CHST9: variants seen among roughly 807,000 people sequenced by gnomAD.
The protein encoded by CHST9 is GalNAc-4-sulfotransferase 2.
A neutral mutation model predicts 44.4 loss-of-function variants in CHST9; 41 were observed. The observed-to-expected ratio is 0.92, with a 90% CI of 0.72 to 1.20. The LOEUF (loss-of-function observed/expected upper bound fraction) is 1.20. Among genes scored for constraint, CHST9 ranks in the 50% most tolerant of loss-of-function variants. CHST9 has a pLI of 0.00. For missense variants in CHST9, 504 were observed against 516.5 expected (o/e 0.98, Z 0.23); for synonymous variants, 171 against 178.4 (o/e 0.96, Z 0.33).
At position 27,050,734 on chromosome 18, in the gene CHST9, A is replaced by G. The variant is rs554014576; in HGVS notation, c.122-2231T>C. ...AAGGCCTCATTCATTATGAAGTGTG[A>G]CAGGGTACCTTCTCATTTAAGTTTT... On this transcript the variant is annotated intron_variant, in intron 2 of 5. Coordinates refer to ENST00000618847, the MANE Select transcript of CHST9 (RefSeq NM_031422.6). Among the ~76,000 whole-genome samples, 6 of 152,300 alleles carry G rather than the reference A, an allele frequency of 3.9e-5. No individual in the cohort carries two copies. The East Asian group carries it at 1.2e-3, about 29-fold the overall frequency.
intron 4 of CHST9, among the ~76,000 whole-genome samples, chr18:27,000,650 A>ATCTATCTATCTT: frequency 6.6e-6 from 1 of 150,900 alleles, no homozygotes; most frequent in African/African-American, 2.4e-5. Context: ...CTATCTATCT[A>ATCTATCTATCTT]TCTATCTCTC....
chr18:26,918,425 G>T (rs1395274899), intron 5 of CHST9, among the ~76,000 whole-genome samples: 1 of 152,074 alleles, frequency 6.6e-6, no homozygotes, highest in African/African-American at 2.4e-5. Flanking sequence ...CAGCCTAGAG[G>T]TGGAGGGAGT....
intron 2 of CHST9, among the ~76,000 whole-genome samples, chr18:27,064,376 G>A (rs1025068453): frequency 4.6e-5 from 7 of 152,084 alleles, no homozygotes; most frequent in East Asian, 1.9e-4. Context: ...CCATGCAGAC[G>A]GCACCATGAT....
intron 4 of CHST9, among the ~76,000 whole-genome samples, chr18:27,015,109 A>AAT (rs2057135906): frequency 6.6e-6 from 1 of 152,232 alleles, no homozygotes; most frequent in East Asian, 1.9e-4. Context: ...GCAGATATCT[A>AAT]ATGTGATCCC....
chr18:27,108,074 C>A (rs1431424495), intron 2 of CHST9, among the ~76,000 whole-genome samples: 2 of 152,130 alleles, frequency 1.3e-5, no homozygotes, highest in East Asian at 1.9e-4. Flanking sequence ...AATCTACCCA[C>A]CTAGACACCT....
intron 2 of CHST9, among the ~76,000 whole-genome samples, chr18:27,134,553 A>G (rs916426017): frequency 6.6e-6 from 1 of 152,252 alleles, no homozygotes. Flanking sequence ...GGATTTGAAT[A>G]GAACCTCGAC....
chr18:27,127,032 T>G (rs887440791), intron 2 of CHST9, among the ~76,000 whole-genome samples: 1 of 152,168 alleles, frequency 6.6e-6, no homozygotes, highest in Non-Finnish European at 1.5e-5. Context: ...GCACCACTAC[T>G]GAATCGGAGT....
intron 1 of CHST9, among the ~76,000 whole-genome samples, chr18:27,176,459 T>C (rs935582832): frequency 2.0e-5 from 3 of 151,920 alleles, no homozygotes; most frequent in South Asian, 4.1e-4. Context: ...AATCAAAGCC[T>C]TGGTAATGGA....
At chr18:27,086,972 A>T (rs542155186) in intron 2 of CHST9, among the ~76,000 whole-genome samples, 42 of 152,348 alleles carry the variant, frequency 2.8e-4, no homozygotes, top group African/African-American at 9.4e-4. Context: ...AACAGAAATA[A>T]GTACCCTAAA....
intron 2 of CHST9, among the ~76,000 whole-genome samples, chr18:27,071,730 G>A (rs896967468): frequency 1.3e-5 from 2 of 152,124 alleles, no homozygotes; most frequent in African/African-American, 4.8e-5. Flanking sequence ...AAAATGAACT[G>A]TGCATTATTC....
At chr18:26,931,313 C>A (rs1490109782) in intron 5 of CHST9, among the ~76,000 whole-genome samples, 1 of 152,182 alleles carries the variant, frequency 6.6e-6, no homozygotes, top group African/African-American at 2.4e-5. Context: ...ATCTACTCCC[C>A]ACACAAGGGA....
At chr18:26,929,022 T>C (rs1254457896) in intron 5 of CHST9, among the ~76,000 whole-genome samples, 2 of 152,178 alleles carry the variant, frequency 1.3e-5, no homozygotes, top group African/African-American at 2.4e-5. Flanking sequence ...GTGAAGGCAT[T>C]GGCTGGGATC....
chr18:26,964,781 GC>G (rs2056444075), intron 4 of CHST9, among the ~76,000 whole-genome samples: 1 of 152,206 alleles, frequency 6.6e-6, no homozygotes, highest in South Asian at 2.1e-4. Flanking sequence ...TTTGAGCTGT[GC>G]CCTTCCAGAA....
intron 5 of CHST9, among the ~76,000 whole-genome samples, chr18:26,927,882 A>G (rs1370627373): frequency 6.6e-6 from 1 of 152,190 alleles, no homozygotes; most frequent in Non-Finnish European, 1.5e-5. Flanking sequence ...ATTTCAGACT[A>G]TCACATGGGG....
chr18:27,138,895 C>A (rs2058540005), intron 2 of CHST9, among the ~76,000 whole-genome samples: 1 of 151,668 alleles, frequency 6.6e-6, no homozygotes, highest in African/African-American at 2.4e-5. Context: ...AAAAAAAAAA[C>A]TAAAATAAAA....
At chr18:27,100,160 TA>T (rs2058157292) in intron 2 of CHST9, among the ~76,000 whole-genome samples, 1 of 152,010 alleles carries the variant, frequency 6.6e-6, no homozygotes, top group South Asian at 2.1e-4. Context: ...TGTAGGAACA[TA>T]AAACTCAATA....
chr18:26,936,481 T>A (rs1172671307), intron 5 of CHST9: 1 of 152,156 alleles, frequency 6.6e-6, no homozygotes, highest in Non-Finnish European at 1.5e-5. Context: ...CTGTGGCTCA[T>A]ATTGACAATA....
intron 1 of CHST9, among the ~76,000 whole-genome samples, chr18:27,156,228 G>A (rs1251041607): frequency 1.3e-5 from 2 of 151,636 alleles, no homozygotes; most frequent in East Asian, 1.9e-4. Flanking sequence ...AGTATTGAGA[G>A]AAAATCAAAA....
chr18:26,987,868 C>T (rs933921984), intron 4 of CHST9, among the ~76,000 whole-genome samples: 1 of 152,126 alleles, frequency 6.6e-6, no homozygotes, highest in Admixed American at 6.5e-5. Flanking sequence ...GGATAAGGCC[C>T]TTCACTGGAA....
Sources: gnomAD v4.1 joint callset for allele counts (sites outside exome capture counted in the v4.1 genomes callset) on GRCh38, gnomAD v4.1.1 for gene constraint, MANE v1.5 for transcripts, NCBI Gene and HGNC (gene_info 2026-07-23, HGNC 2026-07-21) for gene names.